The following ETS1 variants were observed in gnomAD, a reference collection of about 807,000 sequenced individuals.
The protein encoded by ETS1 is ETS proto-oncogene 1, transcription factor.
In ETS1, 15 loss-of-function variants were observed where a neutral mutation model predicts 58.6. The observed-to-expected ratio is 0.26, with a 90% CI of 0.17 to 0.39. The LOEUF is 0.39. Ranked by LOEUF, ETS1 falls within the 10% of genes least tolerant of loss-of-function variation. The probability of loss-of-function intolerance (pLI) is 1.00; values close to 1 mark genes in which losing one functional copy is unlikely to be tolerated. For missense variants in ETS1, 417 were observed against 610.5 expected, an observed-to-expected ratio of 0.68 and a Z score of 3.34; for synonymous variants, 214 against 218.2, an observed-to-expected ratio of 0.98 and a Z score of 0.17.
chr11:128,479,657 G>A (rs1862427810), intron 8 of ETS1, among the ~76,000 whole-genome samples: 1 of 152,166 alleles, frequency 6.6e-6, no homozygotes, highest in African/African-American at 2.4e-5. Context: ...AAGAGAAGGG[G>A]CATTCTCTAT....
intron 3 of ETS1, among the ~76,000 whole-genome samples, chr11:128,497,137 C>T (rs952660821): frequency 6.6e-6 from 1 of 152,188 alleles, no homozygotes; most frequent in Non-Finnish European, 1.5e-5. Flanking sequence ...CCAGTAAAAA[C>T]CACTGCAAAG....
intron 7 of ETS1, among the ~76,000 whole-genome samples, chr11:128,484,399 CCCAGGAGTCCTCTGGGAGGAGCA>C (rs1405767519): frequency 6.6e-6 from 1 of 152,110 alleles, no homozygotes; most frequent in African/African-American, 2.4e-5. Context: ...TACAGTCAGA[CCCAGGAGTCCTCTGGGAGGAGCA>C]CCAGGACACA....
rs548260090 is a variant in ETS1 at position 128,561,868 on chromosome 11, T to C, written c.70-5433A>G. Among the ~76,000 whole-genome samples the C allele has an allele frequency of 8.5e-5, 13 of 152,200 alleles. No individual in the cohort carries two copies. In the East Asian group the frequency reaches 2.5e-3, roughly 29 times the overall value. ...AGGCAGGAAAGAGTCAAGCTAGACC[T>C]AGCAGCAAAAAGGATGGAGGTAGAG... On this transcript the variant is annotated intron_variant, in intron 2 of 9. Coordinates refer to ENST00000392668, the MANE Select transcript of ETS1 (RefSeq NM_001143820.2).
At chr11:128,586,269 T>A (rs1369691260) in intron 1 of ETS1, among the ~76,000 whole-genome samples, 1 of 152,218 alleles carries the variant, frequency 6.6e-6, no homozygotes, top group East Asian at 1.9e-4. Context: ...ACTGAACACA[T>A]GAAAAGACCT....
chr11:128,478,917 G>C (rs1222113993), intron 8 of ETS1, among the ~76,000 whole-genome samples: 2 of 152,096 alleles, frequency 1.3e-5, no homozygotes, highest in African/African-American at 4.8e-5. Flanking sequence ...AGACCACCAG[G>C]GTATTGTAGA....
chr11:128,529,494 G>A (rs1297182897), intron 3 of ETS1, among the ~76,000 whole-genome samples: 1 of 152,158 alleles, frequency 6.6e-6, no homozygotes. Context: ...GCACTTTGTT[G>A]TTTGTATCTA....
At chr11:128,474,882 G>A (rs998972370) in intron 8 of ETS1, among the ~76,000 whole-genome samples, 1 of 152,218 alleles carries the variant, frequency 6.6e-6, no homozygotes. Context: ...ATCAGGTACT[G>A]CCCAAGGATG....
chr11:128,506,249 T>C (rs1389200185), intron 3 of ETS1, among the ~76,000 whole-genome samples: 3 of 152,186 alleles, frequency 2.0e-5, no homozygotes, highest in Non-Finnish European at 4.4e-5. Context: ...CACTGACATG[T>C]ACACTTTAAG....
intron 3 of ETS1, among the ~76,000 whole-genome samples, chr11:128,552,953 G>A (rs1383854276): frequency 6.6e-6 from 1 of 152,216 alleles, no homozygotes; most frequent in African/African-American, 2.4e-5. Context: ...TTCTTGTTAT[G>A]GTGGTTGGAG....
At position 128,484,816 on chromosome 11, in the gene ETS1, G is replaced by A. The variant is rs1427884387; in HGVS notation, c.862+7C>T. On this transcript the variant is annotated splice_region_variant and intron_variant, in intron 7 of 9. Transcript: ENST00000392668. ...CCAAGAGCTTTTAGAGAAGAAATATGACCTACCACGACTGGTCCTCCCCAT... is the reference window on the plus strand; with the variant it reads ...CCAAGAGCTTTTAGAGAAGAAATATAACCTACCACGACTGGTCCTCCCCAT... 1.2e-6 allele frequency: 2 copies of A among 1,611,310 alleles called. No individual in the cohort carries two copies. Among genetic ancestry groups the A allele is most frequent in the Non-Finnish European group, 1.7e-6 (2 of 1,177,838 alleles).
At chr11:128,556,623 T>C (rs920119046) in intron 2 of ETS1, among the ~76,000 whole-genome samples, 188 bp from the exon 3 acceptor site, 5 of 152,198 alleles carry the variant, frequency 3.3e-5, no homozygotes, top group African/African-American at 1.2e-4. Context: ...ACGAGAAGAA[T>C]TTCTGACTCA....
rs560548257 is a variant in ETS1, at chr11:128,498,138, T to A, written c.215-7562A>T. ...CTCTAGGATGCTCTACCCACCATGC[T>A]GTGAGGATTAAGTGGACTATGTGTG... On this transcript the variant is annotated intron_variant, in intron 3 of 9. Coordinates refer to ENST00000392668, the MANE Select transcript of ETS1 (RefSeq NM_001143820.2). Among the ~76,000 whole-genome samples the A allele has an allele frequency of 2.2e-4, 33 of 152,346 alleles. No individual in the cohort carries two copies. In the South Asian group the frequency reaches 5.8e-3, roughly 27 times the overall value.
At chr11:128,565,052 A>ATAAATAAATAAG (rs1210572038) in intron 2 of ETS1, among the ~76,000 whole-genome samples, 1 of 150,786 alleles carries the variant, frequency 6.6e-6, no homozygotes, top group Non-Finnish European at 1.5e-5. Context: ...AAATAAATAA[A>ATAAATAAATAAG]TAAATAAAAT....
At chr11:128,529,372 T>G (rs1194521779) in intron 3 of ETS1, among the ~76,000 whole-genome samples, 1 of 152,070 alleles carries the variant, frequency 6.6e-6, no homozygotes, top group African/African-American at 2.4e-5. Context: ...AGAGTGAAGA[T>G]GGGAATGAAA....
intron 3 of ETS1, chr11:128,530,271 G>A (rs962862297): frequency 2.6e-5 from 4 of 152,184 alleles, no homozygotes; most frequent in Non-Finnish European, 5.9e-5. Flanking sequence ...TGTAGTGGAT[G>A]GTCCTGCCCA....
At chr11:128,490,612 A>G (rs1031649382) in intron 3 of ETS1, 36 bp from the exon 4 acceptor site, 2 of 1,562,952 alleles carry the variant, frequency 1.3e-6, no homozygotes, top group East Asian at 4.5e-5. Flanking sequence ...AACAAAAATT[A>G]CATAGGTAAT....
At chr11:128,553,206 G>A (rs1335431715) in intron 3 of ETS1, among the ~76,000 whole-genome samples, 1 of 152,208 alleles carries the variant, frequency 6.6e-6, no homozygotes, top group Non-Finnish European at 1.5e-5. Context: ...ATGGCTCCAG[G>A]CTGATAGGGA....
intron 7 of ETS1, among the ~76,000 whole-genome samples, chr11:128,480,912 C>T (rs1242907372): frequency 2.6e-5 from 4 of 152,086 alleles, no homozygotes; most frequent in Admixed American, 1.3e-4. Flanking sequence ...TTCAAAAGGC[C>T]CAGTTTGGAA....
At chr11:128,585,125 AAG>A (rs1416284696) in intron 1 of ETS1, among the ~76,000 whole-genome samples, 267 of 5,602 alleles carry the variant, frequency 0.048, 49 homozygotes, top group South Asian at 0.057. Flanking sequence ...GGAAAGAAAG[AAG>A]AAAGAAAGAA....
Sources: gnomAD v4.1 joint callset for allele counts (sites outside exome capture counted in the v4.1 genomes callset) on GRCh38, gnomAD v4.1.1 for gene constraint, MANE v1.5 for transcripts, NCBI Gene and HGNC (gene_info 2026-07-23, HGNC 2026-07-21) for gene names.